The following RPL26L1 variants were observed in gnomAD, a reference collection of about 807,000 sequenced individuals.
RPL26L1 encodes ribosomal protein uL24-like.
A neutral mutation model predicts 15.2 loss-of-function variants in RPL26L1; 8 were observed. The ratio of observed to expected loss-of-function variants is 0.53; its 90% confidence interval spans 0.31 to 0.95. The LOEUF (loss-of-function observed/expected upper bound fraction) is 0.95, where lower values mean the gene tolerates loss of function less well. Ranked by LOEUF, RPL26L1 falls within the 40% of genes least tolerant of loss-of-function variation. The pLI is 0.05. For missense variants in RPL26L1, 146 were observed against 190.9 expected, an observed-to-expected ratio of 0.76 and a Z score of 1.39; for synonymous variants, 51 against 65.9, an observed-to-expected ratio of 0.77 and a Z score of 1.09.
upstream of RPL26L1, chr5:172,954,636 G>C: frequency 4.0e-6 from 1 of 250,190 alleles, no homozygotes; most frequent in Non-Finnish European, 8.0e-6. Context: ...GGTGTGGAGA[G>C]GGAGAGAGAC....
chr5:172,969,458 C>A lies in RPL26L1; in HGVS notation c.355C>A (p.Leu119Ile), dbSNP rs779289794. The change falls in exon 4 of 4, where the codon CTT becomes ATT. Residue 119 changes from leucine (L) to isoleucine (I), a missense_variant. Physicochemically the swap from Leu to Ile is conservative, Grantham distance 5 (BLOSUM62 2). Transcript: ENST00000265100. ...LKLDKDRKKI[L>I]ERKAKSRQVG... ...ACTGGACAAGGATCGGAAAAAAATT[C>A]TTGAACGCAAAGCCAAGTCTCGACA... is the stretch of plus-strand genomic sequence containing the variant. 22 of 1,613,606 alleles carry A rather than the reference C, an allele frequency of 1.4e-5. No individual in the cohort carries two copies. In the Middle Eastern group the frequency reaches 6.6e-4, roughly 48 times the overall value.
intron 2 of RPL26L1, among the ~76,000 whole-genome samples, chr5:172,966,977 C>G (rs535690741): frequency 2.0e-5 from 3 of 151,686 alleles, no homozygotes; most frequent in Non-Finnish European, 2.9e-5. Context: ...TGCCTCAGCC[C>G]CCCGAGTAGC....
chr5:172,968,309 A>G lies in RPL26L1; in HGVS notation c.169-150A>G, dbSNP rs567414706. On this transcript the variant is annotated intron_variant, in intron 2 of 3. Transcript: ENST00000265100. ...CCCAACCATAGCACAACACAGATTT[A>G]TATCAGAAAAGTAGCTAATTTTTGA... is the stretch of plus-strand genomic sequence containing the variant. 19 of 948,608 alleles carry G rather than the reference A, an allele frequency of 2.0e-5. No homozygotes were observed. In the African/African-American group the frequency reaches 2.6e-4, roughly 13 times the overall value. The allele number at this position is 948,608 out of a possible 1,614,324, so 58.8% of individuals were successfully genotyped here.
chr5:172,956,444 CTCACCTG>C (rs1754979089), upstream of RPL26L1, among the ~76,000 whole-genome samples: 1 of 152,116 alleles, frequency 6.6e-6, no homozygotes, highest in Non-Finnish European at 1.5e-5. Flanking sequence ...CCTCAGTTTT[CTCACCTG>C]TAAAAGGGAC....
chr5:172,968,870 C>T (rs539754232), intron 3 of RPL26L1, among the ~76,000 whole-genome samples: 5 of 118,938 alleles, frequency 4.2e-5, no homozygotes, highest in Non-Finnish European at 6.4e-5. Context: ...TGCTGTGGTG[C>T]GATCTCGGCT....
chr5:172,967,746 G>A (rs1755509652), intron 2 of RPL26L1, among the ~76,000 whole-genome samples: 1 of 150,930 alleles, frequency 6.6e-6, no homozygotes, highest in Non-Finnish European at 1.5e-5. Flanking sequence ...TATATGAAAT[G>A]TGTGTGTATA....
Position 172,960,052 on chromosome 5 carries a change from C to T in RPL26L1, c.168+11C>T, listed in dbSNP as rs1755168972. On this transcript the variant is annotated intron_variant, in intron 2 of 3. Transcript: ENST00000265100. ...GACGACGAGGTCCAGGTACGTCTCC[C>T]TCCGGCGCTAGTGGCGCTCGGACAC... is the stretch of plus-strand genomic sequence containing the variant. The T allele has an allele frequency of 3.1e-6, 5 of 1,613,984 alleles. No homozygotes were observed. Among genetic ancestry groups the T allele is most frequent in the Non-Finnish European group, 3.4e-6 (4 of 1,179,950 alleles).
chr5:172,959,800 G>T, intron 1 of RPL26L1, 65 bp from the exon 2 acceptor site: 1 of 1,545,464 alleles, frequency 6.5e-7, no homozygotes, highest in Middle Eastern at 1.7e-4. Flanking sequence ...AGTGTCTTGG[G>T]TCGAGAACAG....
intron 2 of RPL26L1, among the ~76,000 whole-genome samples, chr5:172,962,266 G>A (rs1755258061): frequency 6.6e-6 from 1 of 152,162 alleles, no homozygotes; most frequent in African/African-American, 2.4e-5. Context: ...TAGCAGTTTG[G>A]GAGGCCCAGG....
chr5:172,968,709 A>G (rs1755568767), intron 3 of RPL26L1, 110 bp downstream of exon 3: 1 of 1,138,896 alleles, frequency 8.8e-7, no homozygotes, highest in East Asian at 3.0e-5. Context: ...GGCCAGGTGG[A>G]CTTGATTGAT....
At chr5:172,963,330 C>T (rs1271498181) in intron 2 of RPL26L1, among the ~76,000 whole-genome samples, 1 of 150,382 alleles carries the variant, frequency 6.6e-6, no homozygotes, top group Non-Finnish European at 1.5e-5. Flanking sequence ...GCCAAGATTG[C>T]GCCACTGCAC....
chr5:172,962,006 C>T (rs1309886979), intron 2 of RPL26L1, among the ~76,000 whole-genome samples: 1 of 152,224 alleles, frequency 6.6e-6, no homozygotes, highest in Non-Finnish European at 1.5e-5. Flanking sequence ...TTATATCTCC[C>T]CAGCTGCATA....
At chr5:172,954,789 G>A (rs1449212543), upstream of RPL26L1, 2 of 387,400 alleles carry the variant, frequency 5.2e-6, no homozygotes, top group African/African-American at 4.2e-5. Flanking sequence ...ACATTTAAGG[G>A]ATGGATGCCA....
upstream of RPL26L1, chr5:172,959,316 G>A (rs1755120939): frequency 2.0e-6 from 2 of 988,520 alleles, no homozygotes; most frequent in Non-Finnish European, 2.4e-6. Flanking sequence ...GGGCCGCCAG[G>A]AATGAGGCAC....
chr5:172,968,497 G>A lies in RPL26L1; in HGVS notation c.207G>A (p.Lys69=). The A allele has an allele frequency of 6.2e-7, 1 of 1,614,122 alleles. No homozygotes were observed. The highest frequency in any genetic ancestry group is 8.5e-7 in the Non-Finnish European group (1 of 1,179,994). Residue 69 remains lysine, a synonymous_variant, in exon 3 of 4, where the codon AAG becomes AAA. Transcript: ENST00000265100. ...ACTACAAAGGTCAGCAAATTGGCAA[G>A]GTAGTCCAGGTGTACAGAAAGAAAT... ...RGHYKGQQIG[K]VVQVYRKKYV... is the part of the protein sequence containing the mutation.
At position 172,961,778 on chromosome 5, in the gene RPL26L1, CA is replaced by C. The variant is rs1419310271; in HGVS notation, c.168+1739del. 3.3e-5 allele frequency among the ~76,000 whole-genome samples: 5 copies of C among 152,308 alleles called. No individual in the cohort carries two copies. The East Asian group carries it at 9.6e-4, about 29-fold the overall frequency. On this transcript the variant is annotated intron_variant, in intron 2 of 3. Coordinates refer to ENST00000265100, the MANE Select transcript of RPL26L1 (RefSeq NM_016093.4). ...GCTTTAAATGTCTGCTGTGTGCTAACAACTCCCTCTTTTATATCCCAGTCCA... is the reference window on the plus strand; with the variant it reads ...GCTTTAAATGTCTGCTGTGTGCTAACACTCCCTCTTTTATATCCCAGTCCA...
At chr5:172,965,933 C>T (rs550897884) in intron 2 of RPL26L1, among the ~76,000 whole-genome samples, 2 of 152,262 alleles carry the variant, frequency 1.3e-5, no homozygotes, top group East Asian at 1.9e-4. Context: ...TCCTAAAATA[C>T]GGGGCTTCCC....
chr5:172,955,087 A>G (rs2113509937), upstream of RPL26L1: 1 of 453,818 alleles, frequency 2.2e-6, no homozygotes, highest in Non-Finnish European at 4.4e-6. Flanking sequence ...CTGGGAAGAA[A>G]TGGGGTGTGG....
intron 3 of RPL26L1, among the ~76,000 whole-genome samples, chr5:172,969,094 T>C (rs549989402): frequency 6.6e-6 from 1 of 152,012 alleles, no homozygotes; most frequent in South Asian, 2.1e-4. Context: ...GTGTGAGCCA[T>C]CATGGCCGGC....
Sources: allele counts gnomAD v4.1 joint callset (sites outside exome capture counted in the v4.1 genomes callset), GRCh38; gene constraint gnomAD v4.1.1; transcripts MANE v1.5; gene names NCBI Gene and HGNC (gene_info 2026-07-23, HGNC 2026-07-21).